RIPOR2: variants seen among roughly 807,000 people sequenced by gnomAD.
The protein encoded by RIPOR2 is rho family-interacting cell polarization regulator 2.
A neutral mutation model predicts 114.5 loss-of-function variants in RIPOR2; 39 were observed. The observed-to-expected ratio is 0.34, with a 90% CI of 0.26 to 0.44. RIPOR2 has a LOEUF of 0.44. Ranked by LOEUF, RIPOR2 falls within the 20% of genes least tolerant of loss-of-function variation. The pLI is 1.00. For synonymous variants in RIPOR2, 445 were observed against 484.4 expected (o/e 0.92, Z 1.07); for missense variants, 1,007 against 1,255.1 (o/e 0.80, Z 2.99).
chr6:24,877,079 G>A (rs1765854785), intron 1 of RIPOR2: 9 of 985,214 alleles, frequency 9.1e-6, no homozygotes, highest in Non-Finnish European at 1.1e-5. Context: ...GCAGAGTGTC[G>A]ACAATTGCCC....
At chr6:24,835,224 A>G (rs185858617) in intron 15 of RIPOR2, among the ~76,000 whole-genome samples, 114 of 152,350 alleles carry the variant, frequency 7.5e-4, no homozygotes, top group African/African-American at 2.6e-3. Context: ...CTAGAGAATT[A>G]TATCTTAGCA....
rs1317582973 is a variant in RIPOR2, at chr6:24,947,585, C to T, written c.77-71768G>A. Among the ~76,000 whole-genome samples the T allele has an allele frequency of 1.3e-5, 2 of 152,120 alleles. 1 individual carries two copies. The highest frequency in any genetic ancestry group is 4.8e-5 in the African/African-American group (2 of 41,426). On this transcript the variant is annotated intron_variant, in intron 1 of 13. Coordinates refer to the RIPOR2 transcript ENST00000510784. Reference sequence around the variant, plus strand: ...GGAATAAAGTCTCATGTTTTCCTGACCTGGGACTGGTGGAGAAAGAAGATG... The same window carrying T: ...GGAATAAAGTCTCATGTTTTCCTGATCTGGGACTGGTGGAGAAAGAAGATG...
At chr6:25,015,439 A>G (rs1775926168) in intron 1 of RIPOR2, 1 of 152,236 alleles carries the variant, frequency 6.6e-6, no homozygotes, top group Non-Finnish European at 1.5e-5. Context: ...TGGGAGGTGA[A>G]GGGAAGAGCA....
At chr6:24,874,506 T>C (rs1490681881) in intron 2 of RIPOR2, among the ~76,000 whole-genome samples, 2 of 152,192 alleles carry the variant, frequency 1.3e-5, no homozygotes, top group Non-Finnish European at 2.9e-5. Flanking sequence ...AGTTTCTTAG[T>C]ATTAGATTTG....
chr6:24,927,210 C>A, intron 1 of RIPOR2, among the ~76,000 whole-genome samples: 2 of 7,536 alleles, frequency 2.7e-4, no homozygotes, highest in Admixed American at 1.1e-3. Flanking sequence ...CAAGCACCAC[C>A]ACCACCACTA....
chr6:24,885,838 A>C (rs1766787733), intron 1 of RIPOR2, among the ~76,000 whole-genome samples: 1 of 152,212 alleles, frequency 6.6e-6, no homozygotes, highest in Non-Finnish European at 1.5e-5. Context: ...AGGGAGATAC[A>C]TAAGACAGGA....
chr6:24,811,482 CTGCCT>C (rs1487876272), intron 20 of RIPOR2, among the ~76,000 whole-genome samples: 1 of 151,822 alleles, frequency 6.6e-6, no homozygotes, highest in African/African-American at 2.4e-5. Context: ...AGTGATACGC[CTGCCT>C]CAGCCTTCCA....
intron 1 of RIPOR2, among the ~76,000 whole-genome samples, chr6:25,022,497 T>C (rs776070078): frequency 6.7e-6 from 1 of 150,266 alleles, no homozygotes; most frequent in Non-Finnish European, 1.5e-5. Context: ...ATATTTCTTT[T>C]TAACGTAACA....
chr6:24,989,857 C>A (rs12205717), intron 1 of RIPOR2, among the ~76,000 whole-genome samples: 42,829 of 151,114 alleles, frequency 0.28, 7,454 homozygotes, highest in Non-Finnish European at 0.39. Flanking sequence ...TGGTGAAACC[C>A]CATCTCTACT....
At chr6:24,888,599 G>A (rs891180459) in intron 1 of RIPOR2, among the ~76,000 whole-genome samples, 3 of 152,160 alleles carry the variant, frequency 2.0e-5, no homozygotes, top group Non-Finnish European at 1.5e-5. Context: ...TGTTTCCTTT[G>A]CCCAACATGT....
chr6:24,950,753 AT>A (rs752982635), intron 1 of RIPOR2, among the ~76,000 whole-genome samples: 4 of 151,028 alleles, frequency 2.6e-5, no homozygotes, highest in Non-Finnish European at 5.9e-5. Flanking sequence ...AAAAGAAAAT[AT>A]ATTCATTTAA....
intron 1 of RIPOR2, among the ~76,000 whole-genome samples, chr6:25,013,456 T>C (rs1298954570): frequency 6.6e-6 from 1 of 152,198 alleles, no homozygotes; most frequent in African/African-American, 2.4e-5. Context: ...CTACTCTGCC[T>C]GAAGGGGGAG....
chr6:24,886,340 T>C (rs1766834643), intron 1 of RIPOR2, among the ~76,000 whole-genome samples: 1 of 152,342 alleles, frequency 6.6e-6, no homozygotes, highest in East Asian at 1.9e-4. Context: ...ATTATCAGTA[T>C]CAGGAAATGT....
chr6:24,880,916 T>C (rs1268118708), intron 1 of RIPOR2, among the ~76,000 whole-genome samples: 1 of 152,208 alleles, frequency 6.6e-6, no homozygotes, highest in Non-Finnish European at 1.5e-5. Flanking sequence ...GTTCACCAGA[T>C]GCCATATCTA....
chr6:24,954,456 C>CTTTT (rs10667748), intron 1 of RIPOR2, among the ~76,000 whole-genome samples: 17,072 of 130,284 alleles, frequency 0.13, 2,145 homozygotes, highest in East Asian at 0.41. Context: ...TCTCTCTCTC[C>CTTTT]TTTTTTTTTT....
intron 1 of RIPOR2, among the ~76,000 whole-genome samples, chr6:24,934,013 A>G (rs559064279): frequency 8.5e-5 from 13 of 152,360 alleles, no homozygotes; most frequent in African/African-American, 3.1e-4. Context: ...CGCATAATCC[A>G]GAGTGCAGTG....
At chr6:24,861,373 CAAA>C (rs1764056378) in intron 7 of RIPOR2, among the ~76,000 whole-genome samples, 3 of 152,186 alleles carry the variant, frequency 2.0e-5, no homozygotes, top group Non-Finnish European at 4.4e-5. Flanking sequence ...AGAGACTAGA[CAAA>C]CATAATCACC....
At chr6:25,016,592 C>T (rs1448541299) in intron 1 of RIPOR2, among the ~76,000 whole-genome samples, 7 of 152,168 alleles carry the variant, frequency 4.6e-5, no homozygotes, top group South Asian at 2.1e-4. Flanking sequence ...AAAATAGTCA[C>T]GAATCTGGGA....
intron 14 of RIPOR2, 33 bp downstream of exon 14, chr6:24,839,051 TGACAGGA>T: frequency 6.7e-7 from 1 of 1,491,936 alleles, no homozygotes; most frequent in Non-Finnish European, 9.1e-7. Context: ...GTATCAGCTG[TGACAGGA>T]GAAATATAAG....
Sources: allele counts gnomAD v4.1 joint callset (sites outside exome capture counted in the v4.1 genomes callset), GRCh38; gene constraint gnomAD v4.1.1; transcripts MANE v1.5; gene names NCBI Gene and HGNC (gene_info 2026-07-23, HGNC 2026-07-21).